Variants in VTA1 observed in about 807,000 individuals in gnomAD.
VTA1 encodes the protein vacuolar protein sorting-associated protein VTA1 homolog.
Under a neutral mutation model 36.9 loss-of-function variants are expected in VTA1, and 24 were observed. The ratio of observed to expected loss-of-function variants is 0.65; its 90% confidence interval spans 0.47 to 0.91. The LOEUF (loss-of-function observed/expected upper bound fraction) is 0.91, where lower values mean the gene tolerates loss of function less well. Among genes scored for constraint, VTA1 ranks in the 40% least tolerant of loss-of-function variants. The pLI, the probability that VTA1 is intolerant of heterozygous loss-of-function variation, is 0.00. For missense variants in VTA1, 393 were observed against 377.2 expected, an observed-to-expected ratio of 1.04 and a Z score of -0.35; for synonymous variants, 142 against 130.2, an observed-to-expected ratio of 1.09 and a Z score of -0.62.
chr6:142,153,307 G>A (rs1026872283), intron 1 of VTA1, among the ~76,000 whole-genome samples: 1 of 151,474 alleles, frequency 6.6e-6, no homozygotes, highest in Non-Finnish European at 1.5e-5. Context: ...AAACTTATCT[G>A]TCGATTGAGT....
At position 142,147,283 on chromosome 6, in the gene VTA1, T is replaced by C. The variant is rs1582870469; in HGVS notation, c.-5T>C. 1.9e-6 allele frequency: 3 copies of C among 1,613,994 alleles called. No homozygotes were observed. The highest frequency in any genetic ancestry group is 1.3e-5 in the African/African-American group (1 of 74,996). On this transcript the variant is annotated 5_prime_UTR_variant, in exon 1 of 8. Transcript: ENST00000367630. ...CGAGTAGGAAGTGGTGAGTTCGGAGTAGAGATGGCCGCGCTTGCACCGCTG... is the reference window on the plus strand; with the variant it reads ...CGAGTAGGAAGTGGTGAGTTCGGAGCAGAGATGGCCGCGCTTGCACCGCTG...
At chr6:142,178,587 C>T (rs1010234020) in intron 4 of VTA1, among the ~76,000 whole-genome samples, 1 of 152,002 alleles carries the variant, frequency 6.6e-6, no homozygotes, top group African/African-American at 2.4e-5. Context: ...TTTTTAATTT[C>T]TTTAAAAGAT....
At chr6:142,173,205 A>G (rs1275493236) in intron 4 of VTA1, among the ~76,000 whole-genome samples, 1 of 152,234 alleles carries the variant, frequency 6.6e-6, no homozygotes, top group Non-Finnish European at 1.5e-5. Context: ...AGATTAGACA[A>G]ACCCTTCAGG....
chr6:142,161,077 T>TCCCCCC (rs199666023), intron 1 of VTA1, among the ~76,000 whole-genome samples: 8 of 90,836 alleles, frequency 8.8e-5, no homozygotes, highest in Admixed American at 1.4e-4. Context: ...GCTTCCTTCC[T>TCCCCCC]TCCCCCCCCC....
intron 1 of VTA1, among the ~76,000 whole-genome samples, chr6:142,162,391 A>C (rs1774828323): frequency 6.6e-6 from 1 of 152,216 alleles, no homozygotes; most frequent in Non-Finnish European, 1.5e-5. Flanking sequence ...ATGGTTAAAA[A>C]GAGAGAAAGA....
At chr6:142,185,642 T>C (rs1295546602) in intron 4 of VTA1, among the ~76,000 whole-genome samples, 3 of 152,210 alleles carry the variant, frequency 2.0e-5, no homozygotes, top group South Asian at 2.1e-4. Context: ...TTAGCACATA[T>C]TCTTTGCTCT....
intron 6 of VTA1, among the ~76,000 whole-genome samples, chr6:142,200,668 A>T (rs1169027322): frequency 7.2e-5 from 11 of 152,022 alleles, no homozygotes; most frequent in Non-Finnish European, 1.5e-4. Flanking sequence ...CCTGGCTAGA[A>T]TATTCATGAC....
At chr6:142,151,290 C>G (rs190965967) in intron 1 of VTA1, among the ~76,000 whole-genome samples, 182 of 152,242 alleles carry the variant, frequency 1.2e-3, no homozygotes, top group Non-Finnish European at 2.1e-3. Flanking sequence ...ATACATGTAT[C>G]TGTTAAGGGT....
intron 1 of VTA1, among the ~76,000 whole-genome samples, chr6:142,164,774 G>A (rs1443941341): frequency 2.0e-5 from 3 of 152,070 alleles, no homozygotes; most frequent in Non-Finnish European, 4.4e-5. Context: ...TATAATGAAT[G>A]ATAAAAATGA....
Position 142,203,985 on chromosome 6 carries a change from G to A in VTA1, c.698G>A (p.Gly233Asp). 6.2e-7 allele frequency: 1 copy of A among 1,612,996 alleles called. No individual in the cohort carries two copies. Among genetic ancestry groups the A allele is most frequent in the Non-Finnish European group, 8.5e-7 (1 of 1,179,308 alleles). The change falls in exon 7 of 8, where the codon GGT becomes GAT. Residue 233 changes from glycine to aspartate, a missense_variant and splice_region_variant. Gly to Asp is a moderately conservative substitution (Grantham distance 94). Coordinates refer to ENST00000367630, the MANE Select transcript of VTA1 (RefSeq NM_016485.5). ...CCATTTTTGCTTTTCTGATTTGCAG[G>A]TGTAGCAAGTAATACTATCCAACCT... Reference protein sequence around the residue: ...NTPAEVPHSTGVASNTIQPTP... With the variant: ...NTPAEVPHSTDVASNTIQPTP...
intron 1 of VTA1, among the ~76,000 whole-genome samples, chr6:142,161,163 G>A (rs1332348958): frequency 7.0e-6 from 1 of 142,482 alleles, no homozygotes; most frequent in Non-Finnish European, 1.5e-5. Flanking sequence ...TACAAAAACT[G>A]TATAATAATC....
At chr6:142,194,037 G>A (rs1775500097) in intron 5 of VTA1, among the ~76,000 whole-genome samples, 1 of 151,958 alleles carries the variant, frequency 6.6e-6, no homozygotes, top group South Asian at 2.1e-4. Flanking sequence ...TAAAGTTCAG[G>A]GATGTCAGTG....
chr6:142,200,229 AC>A (rs1775653008), intron 6 of VTA1, among the ~76,000 whole-genome samples: 1 of 152,062 alleles, frequency 6.6e-6, no homozygotes, highest in Admixed American at 6.6e-5. Context: ...AAAGGGAAAA[AC>A]TGTAAAAATG....
At chr6:142,211,245 T>C (rs1202346125) in intron 7 of VTA1, among the ~76,000 whole-genome samples, 1 of 152,110 alleles carries the variant, frequency 6.6e-6, no homozygotes, top group African/African-American at 2.4e-5. Context: ...ATGTATGCTT[T>C]GAAACTGTAA....
In VTA1 at chr6:142,166,336, T is replaced by C; in HGVS notation, c.207+14T>C. The C allele has an allele frequency of 6.5e-7, 1 of 1,529,036 alleles. No individual in the cohort carries two copies. The highest frequency in any genetic ancestry group is 2.3e-5 in the East Asian group (1 of 44,124). 94.7% of individuals were successfully genotyped at this position (1,529,036 alleles called of 1,614,324 possible). A position where few individuals can be genotyped will look rare whatever the true frequency, so the allele number is the denominator to read the frequency against. ...CAGTTAGAAGCTGTAAGTTAACCACTGATCATTTATTTTCTGGTTATGGTT... is the reference window on the plus strand; with the variant it reads ...CAGTTAGAAGCTGTAAGTTAACCACCGATCATTTATTTTCTGGTTATGGTT... On this transcript the variant is annotated intron_variant, in intron 2 of 7. Transcript: ENST00000367630.
At chr6:142,175,792 T>G in intron 4 of VTA1, among the ~76,000 whole-genome samples, 2 of 152,236 alleles carry the variant, frequency 1.3e-5, no homozygotes, top group African/African-American at 4.8e-5. Context: ...TTCCTTTTAA[T>G]TTCATGTCAT....
At chr6:142,188,716 T>C (rs1775394393) in intron 4 of VTA1, among the ~76,000 whole-genome samples, 1 of 149,476 alleles carries the variant, frequency 6.7e-6, no homozygotes, top group African/African-American at 2.5e-5. Context: ...TAAAAATCAC[T>C]AGCACATCCA....
chr6:142,183,457 A>G, intron 4 of VTA1, among the ~76,000 whole-genome samples: 1 of 152,204 alleles, frequency 6.6e-6, no homozygotes, highest in Middle Eastern at 3.2e-3. Context: ...CTAACCAGTC[A>G]TGCTTCAGTG....
intron 2 of VTA1, among the ~76,000 whole-genome samples, chr6:142,168,293 T>G (rs1388485503): frequency 6.6e-6 from 1 of 152,142 alleles, no homozygotes; most frequent in African/African-American, 2.4e-5. Flanking sequence ...CTGTTCTTGT[T>G]CAGGATAAAC....
Sources: gnomAD v4.1 joint callset for allele counts (sites outside exome capture counted in the v4.1 genomes callset) on GRCh38, gnomAD v4.1.1 for gene constraint, MANE v1.5 for transcripts, NCBI Gene and HGNC (gene_info 2026-07-23, HGNC 2026-07-21) for gene names.